METTL15: variants seen among roughly 807,000 people sequenced by gnomAD.
METTL15 encodes the protein methyltransferase 15, mitochondrial 12S rRNA N4-cytidine.
Under a neutral mutation model 38.3 loss-of-function variants are expected in METTL15, and 34 were observed. The ratio of observed to expected loss-of-function variants is 0.89; its 90% CI spans 0.68 to 1.18. The LOEUF (loss-of-function observed/expected upper bound fraction) is 1.18. Among genes scored for constraint, METTL15 ranks in the 50% most tolerant of loss-of-function variants. The pLI, the probability that METTL15 is intolerant of heterozygous loss-of-function variation, is 0.00. For missense variants in METTL15, 438 were observed against 498.4 expected (o/e 0.88, Z 1.15); for synonymous variants, 162 against 170.9 (o/e 0.95, Z 0.41).
chr11:28,477,646 A>G (rs1273055525), intron 6 of METTL15: 1 of 152,156 alleles, frequency 6.6e-6, no homozygotes, highest in African/African-American at 2.4e-5. Flanking sequence ...CTGGAAAAAA[A>G]TCTATACACT....
chr11:28,264,319 TTTA>T (rs1417963265), intron 4 of METTL15, among the ~76,000 whole-genome samples: 1 of 152,172 alleles, frequency 6.6e-6, no homozygotes, highest in Non-Finnish European at 1.5e-5. Flanking sequence ...TTATTGATAT[TTTA>T]TTATTTCCCC....
At chr11:28,355,835 G>T (rs1850085786) in intron 4 of METTL15, among the ~76,000 whole-genome samples, 1 of 152,140 alleles carries the variant, frequency 6.6e-6, no homozygotes, top group African/African-American at 2.4e-5. Flanking sequence ...TGGAAGGATT[G>T]AATAAAATAA....
In METTL15 at chr11:28,303,839, T is replaced by C. The variant is rs185897172; in HGVS notation, c.778+6908T>C. Among the ~76,000 whole-genome samples, 517 of 152,256 alleles carry C rather than the reference T, an allele frequency of 3.4e-3. 2 individuals carry two copies. Among genetic ancestry groups the C allele is most frequent in the African/African-American group, 0.012 (506 of 41,556 alleles). On this transcript the variant is annotated intron_variant, in intron 6 of 6. Transcript: ENST00000407364. ...ACAACCTGAGCATCAAAGTCTTCAG[T>C]ATAAATTAAAGCAGCTTGAGGAATA...
chr11:28,173,421 A>G (rs927644644), intron 3 of METTL15, among the ~76,000 whole-genome samples: 1 of 152,188 alleles, frequency 6.6e-6, no homozygotes, highest in African/African-American at 2.4e-5. Context: ...CCAGACATCA[A>G]ATCTGCTGGA....
intron 4 of METTL15, among the ~76,000 whole-genome samples, chr11:28,355,706 A>G (rs1850084954): frequency 6.6e-6 from 1 of 152,166 alleles, no homozygotes; most frequent in East Asian, 1.9e-4. Flanking sequence ...GCAGTATTAC[A>G]TTATTTAATA....
chr11:28,139,426 C>T (rs987533489), intron 3 of METTL15, among the ~76,000 whole-genome samples: 2 of 152,154 alleles, frequency 1.3e-5, no homozygotes, highest in Non-Finnish European at 2.9e-5. Context: ...TCCTCACATC[C>T]CTGAGTCCCT....
At chr11:28,233,045 A>AT (rs1047731495) in intron 4 of METTL15, among the ~76,000 whole-genome samples, 2 of 151,874 alleles carry the variant, frequency 1.3e-5, no homozygotes, top group Non-Finnish European at 2.9e-5. Flanking sequence ...ATTAGCCTTT[A>AT]TTTTTTTTAA....
chr11:28,451,830 C>T (rs535550822), intron 6 of METTL15, among the ~76,000 whole-genome samples: 2 of 152,274 alleles, frequency 1.3e-5, no homozygotes, highest in African/African-American at 2.4e-5. Context: ...TTATGGCAGC[C>T]TTCCAGAAAA....
At chr11:28,366,508 A>G (rs1393951300) in intron 5 of METTL15, among the ~76,000 whole-genome samples, 1 of 152,178 alleles carries the variant, frequency 6.6e-6, no homozygotes, top group Non-Finnish European at 1.5e-5. Flanking sequence ...CATTTTCTGA[A>G]GACTACAACT....
At chr11:28,179,064 C>T (rs965311009) in intron 3 of METTL15, among the ~76,000 whole-genome samples, 1 of 151,704 alleles carries the variant, frequency 6.6e-6, no homozygotes, top group Non-Finnish European at 1.5e-5. Context: ...AACATTTCCC[C>T]TCTCTGATTT....
chr11:28,158,764 G>T (rs1015678528), intron 3 of METTL15, among the ~76,000 whole-genome samples: 1 of 152,156 alleles, frequency 6.6e-6, no homozygotes, highest in African/African-American at 2.4e-5. Context: ...CATGCTCATG[G>T]AATTTACTGG....
intron 3 of METTL15, among the ~76,000 whole-genome samples, chr11:28,184,295 C>G (rs1851411687): frequency 6.6e-6 from 1 of 151,920 alleles, no homozygotes; most frequent in Non-Finnish European, 1.5e-5. Context: ...TTCTTGTTTT[C>G]TGCTAGCTTT....
At chr11:28,293,722 T>A (rs1220002136) in intron 5 of METTL15, among the ~76,000 whole-genome samples, 2 of 152,188 alleles carry the variant, frequency 1.3e-5, no homozygotes, top group Non-Finnish European at 2.9e-5. Flanking sequence ...TGTATCCTCT[T>A]TTATTTCATT....
At chr11:28,405,837 T>C (rs1850668753) in intron 5 of METTL15, among the ~76,000 whole-genome samples, 1 of 152,174 alleles carries the variant, frequency 6.6e-6, no homozygotes, top group South Asian at 2.1e-4. Context: ...ATTATTGCTT[T>C]GGCATACCCA....
intron 5 of METTL15, among the ~76,000 whole-genome samples, chr11:28,392,807 C>G (rs187025119): frequency 1.3e-5 from 2 of 151,550 alleles, no homozygotes; most frequent in East Asian, 1.9e-4. Flanking sequence ...TGAACAAAAA[C>G]AAAAAAACAA....
At chr11:28,125,225 A>G (rs1175594812) in intron 3 of METTL15, among the ~76,000 whole-genome samples, 5 of 152,150 alleles carry the variant, frequency 3.3e-5, no homozygotes, top group Non-Finnish European at 7.4e-5. Context: ...TTGATAGCAT[A>G]TAAAATAAAT....
chr11:28,237,481 G>T (rs1179029165), intron 4 of METTL15, among the ~76,000 whole-genome samples: 1 of 152,014 alleles, frequency 6.6e-6, no homozygotes, highest in East Asian at 1.9e-4. Flanking sequence ...CTCTGTATTG[G>T]TTATTCTAGT....
chr11:28,112,796 T>C (rs1230780440), intron 2 of METTL15, among the ~76,000 whole-genome samples: 1 of 152,142 alleles, frequency 6.6e-6, no homozygotes, highest in Admixed American at 6.5e-5. Context: ...TTTTTGGATG[T>C]GCATGCGTAG....
chr11:28,112,325 A>G (rs1016714963), intron 2 of METTL15, among the ~76,000 whole-genome samples: 2 of 152,116 alleles, frequency 1.3e-5, no homozygotes, highest in African/African-American at 4.8e-5. Flanking sequence ...TTTATTAAGC[A>G]CTGATGTGCA....
Sources: gnomAD v4.1 joint callset for allele counts (sites outside exome capture counted in the v4.1 genomes callset) on GRCh38, gnomAD v4.1.1 for gene constraint, MANE v1.5 for transcripts, NCBI Gene and HGNC (gene_info 2026-07-23, HGNC 2026-07-21) for gene names.